Variants in ADGB observed in about 807,000 individuals in gnomAD.
The protein encoded by ADGB is androglobin.
In ADGB, 172 loss-of-function variants were observed where a neutral mutation model predicts 210.5. The observed-to-expected ratio is 0.82, with a 90% confidence interval of 0.72 to 0.93. ADGB has a LOEUF of 0.93. ADGB is among the 40% of genes least tolerant of loss of function. ADGB has a pLI of 0.00. For missense variants in ADGB, 2,025 were observed against 1,964.8 expected (o/e 1.03, Z -0.58); for synonymous variants, 658 against 662.7 (o/e 0.99, Z 0.11).
intron 20 of ADGB, among the ~76,000 whole-genome samples, chr6:146,729,218 C>T (rs1190771276): frequency 6.6e-6 from 1 of 152,188 alleles, no homozygotes; most frequent in Non-Finnish European, 1.5e-5. Context: ...TCACAAGGCA[C>T]ATATGGACCT....
chr6:146,773,648 A>T (rs1277467208), intron 29 of ADGB, among the ~76,000 whole-genome samples: 1 of 152,202 alleles, frequency 6.6e-6, no homozygotes, highest in African/African-American at 2.4e-5. Flanking sequence ...CTTAGATGCT[A>T]TGAATAATTT....
chr6:146,623,351 A>G (rs1780923854), intron 1 of ADGB, among the ~76,000 whole-genome samples: 1 of 151,848 alleles, frequency 6.6e-6, no homozygotes, highest in Non-Finnish European at 1.5e-5. Flanking sequence ...TATTTATTGA[A>G]TTTAAGTAAT....
At chr6:146,638,512 C>A (rs1775457595) in intron 2 of ADGB, among the ~76,000 whole-genome samples, 1 of 143,268 alleles carries the variant, frequency 7.0e-6, no homozygotes, top group South Asian at 2.2e-4. Flanking sequence ...GGACAAAAAA[C>A]CAAACACCAC....
rs977876026 is a variant in ADGB at position 146,667,655 on chromosome 6, G to A, written c.839+753G>A. Among the ~76,000 whole-genome samples the A allele has an allele frequency of 1.7e-4, 26 of 152,028 alleles. 1 individual carries two copies. The highest frequency in any genetic ancestry group is 5.5e-4 in the African/African-American group (23 of 41,494). ...TAAACAATGGTAATTATTTATTATG[G>A]TAAAACATTTGCAAACTTCCCTTTA... On this transcript the variant is annotated intron_variant, in intron 7 of 35. Transcript: ENST00000397944.
At chr6:146,766,896 T>G (rs1454087160) in intron 28 of ADGB, among the ~76,000 whole-genome samples, 1 of 152,184 alleles carries the variant, frequency 6.6e-6, no homozygotes, top group Non-Finnish European at 1.5e-5. Context: ...TCTCAGAAAT[T>G]CAGAAATCTT....
intron 3 of ADGB, among the ~76,000 whole-genome samples, chr6:146,651,650 C>T (rs1036484581): frequency 6.6e-6 from 1 of 152,094 alleles, no homozygotes; most frequent in South Asian, 2.1e-4. Context: ...TGACTTTGGC[C>T]TGATAATGGT....
chr6:146,759,611 A>G (rs1173280799), intron 27 of ADGB, among the ~76,000 whole-genome samples: 2 of 151,780 alleles, frequency 1.3e-5, no homozygotes, highest in African/African-American at 4.8e-5. Context: ...ATTTTAACAA[A>G]TAACCTGTGT....
intron 12 of ADGB, among the ~76,000 whole-genome samples, chr6:146,694,675 G>C (rs1022466522): frequency 6.6e-6 from 1 of 151,944 alleles, no homozygotes; most frequent in African/African-American, 2.4e-5. Flanking sequence ...AGCTTTTTTA[G>C]CTCCCTATCT....
chr6:146,682,509 T>G (rs2114913112), intron 9 of ADGB, among the ~76,000 whole-genome samples: 1 of 152,230 alleles, frequency 6.6e-6, no homozygotes, highest in South Asian at 2.1e-4. Flanking sequence ...TTTCTTAAAT[T>G]TCTTTCTCAA....
Position 146,728,704 on chromosome 6 carries a change from C to T in ADGB, c.2483C>T (p.Pro828Leu). Residue 828 changes from proline to leucine, a missense_variant, in exon 20 of 36, where the codon CCC (proline) becomes CTC (leucine). Coordinates refer to ENST00000397944, the MANE Select transcript of ADGB (RefSeq NM_024694.4). ...CTGCAAACAGCTCACTACCCTGTCCCCTTCCATGATAAAGAACTAACTGCA... is the reference window on the plus strand; with the variant it reads ...CTGCAAACAGCTCACTACCCTGTCCTCTTCCATGATAAAGAACTAACTGCA... ...KDLQTAHYPV[P>L]FHDKELTAQH... 1 of 1,550,956 alleles carries T rather than the reference C, an allele frequency of 6.4e-7. No homozygotes were observed. The highest frequency in any genetic ancestry group is 8.7e-7 in the Non-Finnish European group (1 of 1,146,522).
intron 1 of ADGB, among the ~76,000 whole-genome samples, chr6:146,611,467 C>T (rs1442017176): frequency 6.6e-6 from 1 of 152,124 alleles, no homozygotes; most frequent in Non-Finnish European, 1.5e-5. Flanking sequence ...AGAAGCTCTC[C>T]ATGCCAGCTC....
chr6:146,605,910 A>C (rs1443549140), intron 1 of ADGB, among the ~76,000 whole-genome samples: 1 of 152,154 alleles, frequency 6.6e-6, no homozygotes, highest in African/African-American at 2.4e-5. Flanking sequence ...TTTATGGTAG[A>C]ATGACTTATA....
intron 29 of ADGB, 59 bp from the exon 30 acceptor site, chr6:146,781,961 G>A: frequency 7.8e-7 from 1 of 1,288,506 alleles, no homozygotes. Flanking sequence ...CTTGTCCCCT[G>A]TGAAACCATT....
intron 2 of ADGB, among the ~76,000 whole-genome samples, chr6:146,637,229 A>G (rs1045602484): frequency 3.3e-5 from 5 of 151,944 alleles, no homozygotes; most frequent in Admixed American, 6.6e-5. Flanking sequence ...AATTCAAGGC[A>G]TGAAGATTAG....
intron 12 of ADGB, among the ~76,000 whole-genome samples, chr6:146,697,875 C>A (rs1354837176): frequency 6.6e-6 from 1 of 151,938 alleles, no homozygotes; most frequent in Non-Finnish European, 1.5e-5. Flanking sequence ...AAATATAATG[C>A]AATAATATAA....
intron 28 of ADGB, 99 bp from the exon 29 acceptor site, chr6:146,768,921 G>A (rs1344012011): frequency 1.1e-5 from 6 of 560,942 alleles, no homozygotes; most frequent in Non-Finnish European, 1.8e-5. Flanking sequence ...GTCTGATCTG[G>A]AAAATTCTGC....
chr6:146,691,458 A>ATAT (rs1491537728), intron 11 of ADGB, among the ~76,000 whole-genome samples, 168 bp downstream of exon 11: 1 of 45,700 alleles, frequency 2.2e-5, no homozygotes, highest in African/African-American at 2.7e-4. Context: ...ATATATATAT[A>ATAT]AAAATATATA....
chr6:146,678,669 G>A (rs1179755079), intron 9 of ADGB, among the ~76,000 whole-genome samples: 1 of 152,072 alleles, frequency 6.6e-6, no homozygotes, highest in Admixed American at 6.5e-5. Flanking sequence ...ATAAAATGAC[G>A]CTCACAGTTT....
chr6:146,753,465 C>T (rs1346410691), intron 27 of ADGB, among the ~76,000 whole-genome samples: 5 of 151,902 alleles, frequency 3.3e-5, no homozygotes, highest in Non-Finnish European at 7.4e-5. Flanking sequence ...TGGCTGGGAC[C>T]TCCAAACCAA....
Sources: gnomAD v4.1 joint callset for allele counts (sites outside exome capture counted in the v4.1 genomes callset) on GRCh38, gnomAD v4.1.1 for gene constraint, MANE v1.5 for transcripts, NCBI Gene and HGNC (gene_info 2026-07-23, HGNC 2026-07-21) for gene names.